The following ERC1 variants were observed in gnomAD, a reference collection of about 807,000 sequenced individuals.
ERC1 encodes RAB6 interacting protein 2.
A neutral mutation model predicts 132.0 loss-of-function variants in ERC1; 56 were observed. The ratio of observed to expected loss-of-function variants is 0.42; its 90% CI spans 0.34 to 0.53. The LOEUF is 0.53. ERC1 is among the 20% of genes least tolerant of loss of function. ERC1 has a pLI of 0.03. For synonymous variants in ERC1, 478 were observed against 476.1 expected, an observed-to-expected ratio of 1.00 and a Z score of -0.05; for missense variants, 1,202 against 1,349.9, an observed-to-expected ratio of 0.89 and a Z score of 1.72.
At chr12:1,153,263 A>C (rs1399897019) in intron 8 of ERC1, among the ~76,000 whole-genome samples, 1 of 152,248 alleles carries the variant, frequency 6.6e-6, no homozygotes, top group African/African-American at 2.4e-5. Flanking sequence ...GATTAATCCC[A>C]AGATGTCTCT....
chr12:1,476,864 A>G (rs577663398), intron 18 of ERC1, among the ~76,000 whole-genome samples: 2 of 152,374 alleles, frequency 1.3e-5, no homozygotes, highest in East Asian at 3.9e-4. Context: ...CTAAATGTCT[A>G]TTGGAGTTAA....
chr12:1,180,825 AT>A (rs1050835752), intron 9 of ERC1, 148 bp downstream of exon 9: 312 of 933,790 alleles, frequency 3.3e-4, no homozygotes, highest in Non-Finnish European at 3.8e-4. Context: ...GAAGGGAAAC[AT>A]TTTTTTTAGA....
At chr12:1,302,393 A>G (rs919345624) in intron 15 of ERC1, among the ~76,000 whole-genome samples, 7 of 152,200 alleles carry the variant, frequency 4.6e-5, no homozygotes, top group Non-Finnish European at 7.3e-5. Flanking sequence ...CATCATACCT[A>G]ATGATGTAAG....
intron 12 of ERC1, among the ~76,000 whole-genome samples, chr12:1,221,073 G>A (rs114332284): frequency 8.8e-4 from 134 of 152,078 alleles, no homozygotes; most frequent in African/African-American, 3.2e-3. Flanking sequence ...ACTTATCACT[G>A]TCTGACATAC....
intron 15 of ERC1, among the ~76,000 whole-genome samples, chr12:1,362,103 T>C (rs1450798630): frequency 6.6e-6 from 1 of 152,218 alleles, no homozygotes; most frequent in African/African-American, 2.4e-5. Context: ...CATGTGAAAT[T>C]AGAATTCCTA....
intron 2 of ERC1, among the ~76,000 whole-genome samples, chr12:1,040,148 G>A (rs1031022592): frequency 3.3e-5 from 5 of 152,024 alleles, no homozygotes; most frequent in Admixed American, 6.5e-5. Flanking sequence ...GTGACTTTGG[G>A]AAAAAGAGAA....
At chr12:1,012,903 C>G (rs1013235013) in intron 1 of ERC1, among the ~76,000 whole-genome samples, 1 of 152,178 alleles carries the variant, frequency 6.6e-6, no homozygotes, top group African/African-American at 2.4e-5. Context: ...TCCCTAATTT[C>G]TTCATTAAAC....
At chr12:1,467,113 A>G (rs547765966) in intron 18 of ERC1, among the ~76,000 whole-genome samples, 1 of 152,252 alleles carries the variant, frequency 6.6e-6, no homozygotes, top group Non-Finnish European at 1.5e-5. Context: ...GTAGTTTTTA[A>G]TGTTATCAGA....
chr12:1,348,213 T>C (rs997740250), intron 15 of ERC1, among the ~76,000 whole-genome samples: 2 of 152,168 alleles, frequency 1.3e-5, no homozygotes, highest in African/African-American at 4.8e-5. Flanking sequence ...CCTAGCAAAA[T>C]ACGGGTATAA....
intron 8 of ERC1, among the ~76,000 whole-genome samples, chr12:1,156,502 G>T (rs1294205346): frequency 1.3e-5 from 2 of 152,246 alleles, no homozygotes; most frequent in Non-Finnish European, 2.9e-5. Flanking sequence ...CTCCCAAAGT[G>T]CAGGGATTAC....
intron 17 of ERC1, among the ~76,000 whole-genome samples, chr12:1,422,499 C>T (rs1246152114): frequency 1.3e-5 from 2 of 151,944 alleles, no homozygotes; most frequent in Non-Finnish European, 2.9e-5. Context: ...CCTCCCAGCT[C>T]ATCTGTGTTG....
chr12:1,437,195 T>A (rs1429499899), intron 17 of ERC1, among the ~76,000 whole-genome samples: 1 of 152,182 alleles, frequency 6.6e-6, no homozygotes, highest in African/African-American at 2.4e-5. Context: ...CTTGACTTCT[T>A]GATTCTGGTT....
chr12:1,166,424 T>C (rs1425572925), intron 8 of ERC1, among the ~76,000 whole-genome samples: 1 of 152,244 alleles, frequency 6.6e-6, no homozygotes, highest in South Asian at 2.1e-4. Flanking sequence ...TTAAACCTCT[T>C]TTTCTTCCCA....
intron 2 of ERC1, among the ~76,000 whole-genome samples, chr12:1,078,437 T>TA (rs925901902): frequency 6.9e-3 from 1 of 144 alleles, no homozygotes; most frequent in African/African-American, 8.2e-3. Flanking sequence ...AAATTCCTGA[T>TA]TTTTTTTTTT....
intron 17 of ERC1, among the ~76,000 whole-genome samples, chr12:1,432,512 C>G (rs886130345): frequency 2.0e-5 from 3 of 151,562 alleles, no homozygotes; most frequent in African/African-American, 7.3e-5. Flanking sequence ...CCAAGGATAA[C>G]TTGTCTTTAC....
intron 18 of ERC1, among the ~76,000 whole-genome samples, chr12:1,460,958 C>CTTTTTTTTTTTTTTTTTTTTTTT (rs35505633): frequency 1.1e-4 from 7 of 64,914 alleles, no homozygotes; most frequent in African/African-American, 3.6e-4. Flanking sequence ...TGAGGAGGCC[C>CTTTTTTTTTTTTTTTTTTTTTTT]TTTTTTTTTT....
chr12:1,199,984 T>A (rs1343715767), intron 12 of ERC1, among the ~76,000 whole-genome samples: 1 of 151,914 alleles, frequency 6.6e-6, no homozygotes, highest in South Asian at 2.1e-4. Flanking sequence ...ATTTTTAATC[T>A]GGGAGTGTTA....
intron 8 of ERC1, among the ~76,000 whole-genome samples, chr12:1,156,521 GCC>G (rs1951417229): frequency 6.6e-6 from 1 of 152,146 alleles, no homozygotes; most frequent in Non-Finnish European, 1.5e-5. Context: ...ACATTTGTGA[GCC>G]ACCACGCCTG....
chr12:1,389,967 T>G (rs950485131), intron 16 of ERC1, among the ~76,000 whole-genome samples: 1 of 152,216 alleles, frequency 6.6e-6, no homozygotes, highest in African/African-American at 2.4e-5. Flanking sequence ...GTTACACACT[T>G]ATTTCATGAA....
Sources: gnomAD v4.1 joint callset for allele counts (sites outside exome capture counted in the v4.1 genomes callset) on GRCh38, gnomAD v4.1.1 for gene constraint, MANE v1.5 for transcripts, NCBI Gene and HGNC (gene_info 2026-07-23, HGNC 2026-07-21) for gene names.